PRKCA: variants seen among roughly 807,000 people sequenced by gnomAD.
PRKCA encodes protein kinase C alpha type.
Under a neutral mutation model 87.0 loss-of-function variants are expected in PRKCA, and 27 were observed. The ratio of observed to expected loss-of-function variants is 0.31; its 90% CI spans 0.23 to 0.43. PRKCA has a LOEUF of 0.43. Ranked by LOEUF, PRKCA falls within the 20% of genes least tolerant of loss-of-function variation. PRKCA has a pLI of 1.00. For missense variants in PRKCA, 518 were observed against 852.3 expected, an observed-to-expected ratio of 0.61 and a Z score of 4.88; for synonymous variants, 329 against 311.1, an observed-to-expected ratio of 1.06 and a Z score of -0.61.
At chr17:66,370,274 C>A (rs1179844861) in intron 2 of PRKCA, among the ~76,000 whole-genome samples, 1 of 145,866 alleles carries the variant, frequency 6.9e-6, no homozygotes, top group Non-Finnish European at 1.5e-5. Context: ...CTCTGTCGCC[C>A]AGGCTGGAGT....
chr17:66,743,764 T>A (rs140733012), intron 13 of PRKCA, among the ~76,000 whole-genome samples: 1 of 152,298 alleles, frequency 6.6e-6, no homozygotes, highest in Non-Finnish European at 1.5e-5. Context: ...AGCCCTCAGA[T>A]GAGCTGTTGG....
At chr17:66,776,371 C>T (rs12948890) in intron 14 of PRKCA, among the ~76,000 whole-genome samples, 29,716 of 152,054 alleles carry the variant, frequency 0.2, 3,030 homozygotes, top group East Asian at 0.29. Context: ...GAGTCGGTGG[C>T]GCGATCTCAG....
At chr17:66,552,566 T>C (rs1249638358) in intron 3 of PRKCA, among the ~76,000 whole-genome samples, 2 of 152,230 alleles carry the variant, frequency 1.3e-5, no homozygotes, top group Non-Finnish European at 1.5e-5. Flanking sequence ...TAGTTCCTTA[T>C]GGCTGTTGGC....
chr17:66,540,402 C>T (rs747635053), intron 3 of PRKCA, among the ~76,000 whole-genome samples: 20 of 151,994 alleles, frequency 1.3e-4, no homozygotes, highest in African/African-American at 4.6e-4. Flanking sequence ...GCTGGGGGGA[C>T]GGCGTGTGCT....
At chr17:66,427,283 T>C (rs529859170) in intron 2 of PRKCA, among the ~76,000 whole-genome samples, 1 of 152,336 alleles carries the variant, frequency 6.6e-6, no homozygotes, top group South Asian at 2.1e-4. Flanking sequence ...CCACCCGCCT[T>C]GGCCTCCCAA....
Position 66,798,497 on chromosome 17 carries a change from G to A in PRKCA, c.1855-5376G>A, listed in dbSNP as rs868556041. Among the ~76,000 whole-genome samples, 8 of 44,580 alleles carry A rather than the reference G, an allele frequency of 1.8e-4. 1 individual carries two copies. The highest frequency in any genetic ancestry group is 2.7e-4 in the Non-Finnish European group (6 of 22,184). The allele number at this position is 44,580 out of a possible 152,430, so 29.2% of individuals were successfully genotyped here. ...GGTGGTGGTGGTGGTGACGGTGGTG[G>A]TGGTGGTGGTGACGGTGGTGACGGT... is the stretch of plus-strand genomic sequence containing the variant. On this transcript the variant is annotated intron_variant, in intron 16 of 16. Transcript: ENST00000413366.
chr17:66,590,807 G>A (rs1304386927), intron 3 of PRKCA, among the ~76,000 whole-genome samples: 1 of 151,970 alleles, frequency 6.6e-6, no homozygotes, highest in Non-Finnish European at 1.5e-5. Flanking sequence ...CCGAGATCAC[G>A]CTACTGCACT....
chr17:66,453,748 G>T (rs960759302), intron 2 of PRKCA, among the ~76,000 whole-genome samples: 1 of 152,064 alleles, frequency 6.6e-6, no homozygotes, highest in Non-Finnish European at 1.5e-5. Flanking sequence ...GACTCTTCTG[G>T]GTTGTTCTGA....
intron 2 of PRKCA, among the ~76,000 whole-genome samples, chr17:66,368,487 C>A (rs1275906385): frequency 6.9e-6 from 1 of 144,802 alleles, no homozygotes; most frequent in Non-Finnish European, 1.5e-5. Flanking sequence ...ATCTCCCAGG[C>A]TCAAGTGATC....
chr17:66,390,117 G>T (rs901677706), intron 2 of PRKCA, among the ~76,000 whole-genome samples: 1 of 152,222 alleles, frequency 6.6e-6, no homozygotes, highest in Admixed American at 6.5e-5. Context: ...CAGCTACTCG[G>T]AGGCTGAGGC....
chr17:66,467,102 C>A (rs1399963319), intron 2 of PRKCA, among the ~76,000 whole-genome samples: 1 of 152,208 alleles, frequency 6.6e-6, no homozygotes, highest in South Asian at 2.1e-4. Context: ...TTATTTTCCT[C>A]TTCCTCTGAG....
At chr17:66,642,388 CA>C (rs1971323650) in intron 4 of PRKCA, among the ~76,000 whole-genome samples, 1 of 152,110 alleles carries the variant, frequency 6.6e-6, no homozygotes, top group African/African-American at 2.4e-5. Context: ...CTCGGCCTCC[CA>C]AAATGCTGGG....
chr17:66,559,011 T>A (rs915532198), intron 3 of PRKCA, among the ~76,000 whole-genome samples: 1 of 152,114 alleles, frequency 6.6e-6, no homozygotes, highest in African/African-American at 2.4e-5. Flanking sequence ...GTGCTTGCCA[T>A]CCCCATGCAT....
intron 14 of PRKCA, among the ~76,000 whole-genome samples, chr17:66,785,761 A>G (rs1975368419): frequency 6.6e-6 from 1 of 152,260 alleles, no homozygotes; most frequent in Non-Finnish European, 1.5e-5. Flanking sequence ...TTCGGCGCTT[A>G]TTGGGTACAA....
At chr17:66,790,230 A>G (rs1317754351) in intron 16 of PRKCA, among the ~76,000 whole-genome samples, 1 of 152,230 alleles carries the variant, frequency 6.6e-6, no homozygotes, top group Non-Finnish European at 1.5e-5. Context: ...TACCCCAAGA[A>G]TAAAACTGCT....
intron 2 of PRKCA, among the ~76,000 whole-genome samples, chr17:66,314,376 T>C (rs1430394274): frequency 3.3e-5 from 5 of 152,138 alleles, no homozygotes; most frequent in African/African-American, 4.8e-5. Context: ...TAGTAGAAAT[T>C]GCTATAACTG....
chr17:66,752,001 C>T (rs1396575001), intron 13 of PRKCA, among the ~76,000 whole-genome samples: 1 of 152,222 alleles, frequency 6.6e-6, no homozygotes, highest in Non-Finnish European at 1.5e-5. Context: ...TCCCACCAGG[C>T]CCCACCTCCA....
chr17:66,568,361 G>A (rs1330055750), intron 3 of PRKCA, among the ~76,000 whole-genome samples: 1 of 152,128 alleles, frequency 6.6e-6, no homozygotes, highest in Non-Finnish European at 1.5e-5. Flanking sequence ...TTGTGGTAGA[G>A]GTTAGTGTTT....
intron 2 of PRKCA, among the ~76,000 whole-genome samples, chr17:66,374,628 C>G (rs2143552442): frequency 6.6e-6 from 1 of 151,724 alleles, no homozygotes; most frequent in South Asian, 2.1e-4. Context: ...GCTTCCTGGT[C>G]TGTGGGGAGC....
Sources: allele counts gnomAD v4.1 joint callset (sites outside exome capture counted in the v4.1 genomes callset), GRCh38; gene constraint gnomAD v4.1.1; transcripts MANE v1.5; gene names NCBI Gene and HGNC (gene_info 2026-07-23, HGNC 2026-07-21).